The following MEIS2 variants were observed in gnomAD, a reference collection of about 807,000 sequenced individuals.
The protein encoded by MEIS2 is homeobox protein Meis2.
MEIS2 carries 9 observed loss-of-function variants against 58.6 expected under a neutral mutation model. The observed-to-expected ratio is 0.15, with a 90% confidence interval of 0.09 to 0.27. The LOEUF is 0.27. MEIS2 is among the 10% of genes least tolerant of loss of function. The pLI, the probability that MEIS2 is intolerant of heterozygous loss-of-function variation, is 1.00. For missense variants in MEIS2, 427 were observed against 635.0 expected (o/e 0.67, Z 3.52); for synonymous variants, 221 against 228.4 (o/e 0.97, Z 0.29).
At chr15:37,051,815 C>G (rs2062930976) in intron 7 of MEIS2, among the ~76,000 whole-genome samples, 1 of 152,086 alleles carries the variant, frequency 6.6e-6, no homozygotes, top group South Asian at 2.1e-4. Context: ...TGAGGAGAAG[C>G]TCAACATAAT....
intron 8 of MEIS2, among the ~76,000 whole-genome samples, chr15:37,005,375 A>G (rs888786932): frequency 6.6e-6 from 1 of 152,242 alleles, no homozygotes; most frequent in Non-Finnish European, 1.5e-5. Context: ...GACTTAACTG[A>G]AAGCACGAAT....
chr15:36,973,339 C>T (rs1158088722), intron 8 of MEIS2, among the ~76,000 whole-genome samples: 1 of 152,194 alleles, frequency 6.6e-6, no homozygotes, highest in African/African-American at 2.4e-5. Flanking sequence ...TGGCACAACA[C>T]CTATTGCCCC....
At chr15:36,940,281 G>C (rs1288944213) in intron 9 of MEIS2, among the ~76,000 whole-genome samples, 3 of 152,056 alleles carry the variant, frequency 2.0e-5, no homozygotes, top group Non-Finnish European at 4.4e-5. Context: ...TTAGAGCTCA[G>C]TTCAGGTTTC....
chr15:37,001,900 C>T (rs112536244), intron 8 of MEIS2, among the ~76,000 whole-genome samples: 174 of 152,256 alleles, frequency 1.1e-3, no homozygotes, highest in African/African-American at 3.5e-3. Flanking sequence ...ATTTGCCATA[C>T]GTGCCACAAA....
intron 9 of MEIS2, among the ~76,000 whole-genome samples, chr15:36,940,110 G>T (rs1050653118): frequency 6.6e-6 from 1 of 152,152 alleles, no homozygotes; most frequent in Non-Finnish European, 1.5e-5. Flanking sequence ...ACCAAAGTAT[G>T]GATGTGCCTT....
intron 9 of MEIS2, among the ~76,000 whole-genome samples, chr15:36,930,682 C>T (rs755622259): frequency 6.6e-6 from 1 of 152,060 alleles, no homozygotes; most frequent in Non-Finnish European, 1.5e-5. Flanking sequence ...AAAGCTTTGC[C>T]AAAATACCAA....
rs755478168 is a variant in MEIS2, at chr15:37,096,447, C to A, written c.246-17G>T. The A allele has an allele frequency of 5.0e-6, 8 of 1,610,442 alleles. No individual in the cohort carries two copies. Among genetic ancestry groups the A allele is most frequent in the Middle Eastern group, 1.6e-4 (1 of 6,072 alleles). On this transcript the variant is annotated splice_polypyrimidine_tract_variant and intron_variant, in intron 2 of 11. Transcript: ENST00000561208. ...AACGGGTGCCTAACGGGCAGCGCCACGCAGAGACACACACACAGAGACGGG... is the reference window on the plus strand; with the variant it reads ...AACGGGTGCCTAACGGGCAGCGCCAAGCAGAGACACACACACAGAGACGGG...
chr15:37,066,835 G>C (rs896356625), intron 7 of MEIS2, among the ~76,000 whole-genome samples: 2 of 152,026 alleles, frequency 1.3e-5, no homozygotes, highest in Non-Finnish European at 2.9e-5. Context: ...GGAGTGCAGT[G>C]GTGTGATCAT....
intron 8 of MEIS2, among the ~76,000 whole-genome samples, chr15:36,987,087 G>T (rs763634508): frequency 6.6e-6 from 1 of 152,126 alleles, no homozygotes; most frequent in Admixed American, 6.6e-5. Flanking sequence ...GTGGGGTGGG[G>T]TGTGTGTGGT....
At chr15:36,902,336 T>G (rs1304000447) in intron 9 of MEIS2, among the ~76,000 whole-genome samples, 1 of 152,230 alleles carries the variant, frequency 6.6e-6, no homozygotes, top group Admixed American at 6.5e-5. Context: ...CGGATCTTTC[T>G]AAAAATCGGA....
chr15:37,098,236 G>A, intron 1 of MEIS2, 37 bp from the exon 2 acceptor site: 4 of 1,545,752 alleles, frequency 2.6e-6, no homozygotes, highest in African/African-American at 1.4e-5. Context: ...GGCGCAGGAG[G>A]TGAGGGAGAA....
intron 8 of MEIS2, 85 bp from the exon 9 acceptor site, chr15:36,950,485 A>G: frequency 2.4e-6 from 3 of 1,275,794 alleles, no homozygotes; most frequent in Non-Finnish European, 3.4e-6. Context: ...ACCGTTGGTG[A>G]TTTCTTTAGT....
chr15:36,965,417 A>G (rs1194773), intron 8 of MEIS2, among the ~76,000 whole-genome samples: 5,346 of 152,286 alleles, frequency 0.035, 321 homozygotes, highest in African/African-American at 0.12. Context: ...AAGGTATTTT[A>G]GTTTTGTGTA....
At position 37,098,423 on chromosome 15, in the gene MEIS2, A is replaced by G. The variant is rs181771809; in HGVS notation, c.13-224T>C. On this transcript the variant is annotated intron_variant, in intron 1 of 11. Transcript: ENST00000561208. Reference sequence around the variant, plus strand: ...GAGAGAGAGAGAGAGAGAGAGAGAGAGAAAATAAAAATAAAAACAAAGTCA... The same window carrying G: ...GAGAGAGAGAGAGAGAGAGAGAGAGGGAAAATAAAAATAAAAACAAAGTCA... The G allele has an allele frequency of 1.5e-3, 1,746 of 1,194,542 alleles. 9 individuals carry two copies. The African/African-American group carries it at 0.022, about 15-fold the overall frequency. The allele number at this position is 1,194,542 out of a possible 1,614,324, so 74.0% of individuals were successfully genotyped here.
intron 8 of MEIS2, among the ~76,000 whole-genome samples, chr15:37,026,517 A>G (rs1372069930): frequency 6.6e-6 from 1 of 152,232 alleles, no homozygotes; most frequent in Non-Finnish European, 1.5e-5. Flanking sequence ...TTATAATGTG[A>G]TAACAGAGGT....
At chr15:36,969,386 ACCTT>A (rs963973601) in intron 8 of MEIS2, among the ~76,000 whole-genome samples, 1 of 152,056 alleles carries the variant, frequency 6.6e-6, no homozygotes, top group South Asian at 2.1e-4. Context: ...CATCTGGAAC[ACCTT>A]CCTTCCTTCC....
chr15:37,043,327 T>G (rs1379705162), intron 7 of MEIS2, among the ~76,000 whole-genome samples: 1 of 152,194 alleles, frequency 6.6e-6, no homozygotes, highest in Non-Finnish European at 1.5e-5. Flanking sequence ...CCATATTCAT[T>G]AACATTTTCA....
At chr15:37,098,799 T>C (rs1199023584) in intron 1 of MEIS2, 4 of 570,604 alleles carry the variant, frequency 7.0e-6, no homozygotes, top group Non-Finnish European at 8.9e-6. Flanking sequence ...AGAAAAACGC[T>C]AATAATCAGC....
At chr15:36,959,707 T>C (rs2141424394) in intron 8 of MEIS2, among the ~76,000 whole-genome samples, 1 of 152,258 alleles carries the variant, frequency 6.6e-6, no homozygotes, top group Non-Finnish European at 1.5e-5. Flanking sequence ...ACTTTATACA[T>C]GTAAAGAACT....
Sources: gnomAD v4.1 joint callset for allele counts (sites outside exome capture counted in the v4.1 genomes callset) on GRCh38, gnomAD v4.1.1 for gene constraint, MANE v1.5 for transcripts, NCBI Gene and HGNC (gene_info 2026-07-23, HGNC 2026-07-21) for gene names.